Variants in ATXN7L1 observed in about 807,000 individuals in gnomAD.
The protein encoded by ATXN7L1 is ataxin 7 like 1.
ATXN7L1 carries 15 observed loss-of-function variants against 70.8 expected under a neutral mutation model. That is an observed-to-expected ratio of 0.21 (90% CI 0.14 to 0.33). The LOEUF (loss-of-function observed/expected upper bound fraction) is 0.33. ATXN7L1 is among the 10% of genes least tolerant of loss of function. The pLI is 1.00. For synonymous variants in ATXN7L1, 440 were observed against 445.1 expected (o/e 0.99, Z 0.14); for missense variants, 975 against 1,097.1 (o/e 0.89, Z 1.57).
At chr7:105,814,437 G>A (rs981126158) in intron 2 of ATXN7L1, among the ~76,000 whole-genome samples, 1 of 149,598 alleles carries the variant, frequency 6.7e-6, no homozygotes, top group Non-Finnish European at 1.5e-5. Context: ...TTCCAGCAGG[G>A]TTTTTTTTTT....
At chr7:105,690,779 G>A (rs1790687302) in intron 3 of ATXN7L1, among the ~76,000 whole-genome samples, 1 of 152,128 alleles carries the variant, frequency 6.6e-6, no homozygotes, top group Non-Finnish European at 1.5e-5. Flanking sequence ...TAATTACACA[G>A]CCATTCAGTG....
intron 3 of ATXN7L1, among the ~76,000 whole-genome samples, chr7:105,684,039 C>T (rs1302358442): frequency 6.6e-6 from 1 of 152,224 alleles, no homozygotes; most frequent in Admixed American, 6.5e-5. Context: ...CATAGCTTCA[C>T]TGCAGGCTCC....
chr7:105,663,736 G>A (rs1802069749), intron 4 of ATXN7L1, among the ~76,000 whole-genome samples: 1 of 151,800 alleles, frequency 6.6e-6, no homozygotes, highest in Non-Finnish European at 1.5e-5. Context: ...TAAGGGCTGA[G>A]ATAACAAAAT....
chr7:105,865,826 A>G (rs1050467360), intron 2 of ATXN7L1, among the ~76,000 whole-genome samples: 6 of 152,172 alleles, frequency 3.9e-5, no homozygotes, highest in Non-Finnish European at 5.9e-5. Context: ...ACTCTGTATC[A>G]TGGCAACACT....
intron 11 of ATXN7L1, among the ~76,000 whole-genome samples, chr7:105,610,091 C>A (rs1212635389): frequency 2.0e-5 from 3 of 152,144 alleles, no homozygotes; most frequent in Non-Finnish European, 4.4e-5. Context: ...TTAATCAAAT[C>A]ATCTTCTTTA....
chr7:105,841,633 G>C (rs901146447), intron 2 of ATXN7L1, among the ~76,000 whole-genome samples: 1 of 152,182 alleles, frequency 6.6e-6, no homozygotes, highest in Admixed American at 6.5e-5. Context: ...TGGCATCTCG[G>C]TGCTTGCATT....
At chr7:105,872,078 C>T (rs370463780) in intron 2 of ATXN7L1, among the ~76,000 whole-genome samples, 2 of 152,008 alleles carry the variant, frequency 1.3e-5, no homozygotes, top group South Asian at 2.1e-4. Context: ...CTGCAAGCTC[C>T]GCCTCCCGGG....
chr7:105,861,954 C>T (rs886987194), intron 2 of ATXN7L1, among the ~76,000 whole-genome samples: 3 of 152,202 alleles, frequency 2.0e-5, no homozygotes, highest in Admixed American at 1.3e-4. Flanking sequence ...GTCTCAGCCA[C>T]TGAAAGTGGC....
intron 4 of ATXN7L1, chr7:105,649,398 G>A (rs1584510030): frequency 1.0e-6 from 1 of 987,606 alleles, no homozygotes; most frequent in South Asian, 4.7e-5. Flanking sequence ...ACGTGGGGGC[G>A]ATATCTACCT....
chr7:105,649,040 C>T (rs502600), intron 4 of ATXN7L1, among the ~76,000 whole-genome samples: 6,654 of 151,010 alleles, frequency 0.044, 273 homozygotes, highest in East Asian at 0.22. Flanking sequence ...CAGTTACCCC[C>T]GAGCTTAGCC....
At chr7:105,814,172 G>A (rs2116547556) in intron 2 of ATXN7L1, among the ~76,000 whole-genome samples, 1 of 152,264 alleles carries the variant, frequency 6.6e-6, no homozygotes, top group Admixed American at 6.5e-5. Context: ...TCTCTACCTG[G>A]GGACCATCCA....
intron 2 of ATXN7L1, among the ~76,000 whole-genome samples, chr7:105,838,507 T>C (rs1812738868): frequency 6.6e-6 from 1 of 152,182 alleles, no homozygotes; most frequent in Non-Finnish European, 1.5e-5. Context: ...CCCTAGGGAT[T>C]TCAGCCTTTT....
chr7:105,667,027 C>T (rs1051588702), intron 3 of ATXN7L1, among the ~76,000 whole-genome samples: 7 of 152,234 alleles, frequency 4.6e-5, no homozygotes, highest in African/African-American at 1.7e-4. Context: ...TACACCTGTT[C>T]CTTCCCTTCT....
intron 2 of ATXN7L1, among the ~76,000 whole-genome samples, chr7:105,840,007 G>A (rs1812964389): frequency 6.6e-6 from 1 of 152,212 alleles, no homozygotes; most frequent in Admixed American, 6.5e-5. Context: ...TCATGGATGA[G>A]TAGGAAGTTG....
At chr7:105,685,747 T>C (rs1806114911) in intron 3 of ATXN7L1, among the ~76,000 whole-genome samples, 2 of 152,198 alleles carry the variant, frequency 1.3e-5, no homozygotes, top group Admixed American at 1.3e-4. Flanking sequence ...AGTCAATCCC[T>C]GAGCTTCCAT....
intron 2 of ATXN7L1, among the ~76,000 whole-genome samples, chr7:105,841,139 C>G (rs1195800789): frequency 6.6e-6 from 1 of 152,182 alleles, no homozygotes; most frequent in African/African-American, 2.4e-5. Flanking sequence ...AGACAGTTTC[C>G]CGGTGTCTAA....
rs1384037874 is a variant in ATXN7L1, at chr7:105,614,525, G to A, written c.1809C>T (p.Ala603=). Residue 603 remains alanine, a synonymous_variant, in exon 10 of 12, where the codon GCC becomes GCT. Transcript: ENST00000419735. The surrounding 1 kb of genome is among the most constrained non-coding windows in gnomAD (Gnocchi z 4.3). ...IMDSTFKAPS[A]VSPIPAVIPS... is the part of the protein sequence containing the mutation. ...GGATGACGGCTGGTATCGGGGACAC[G>A]GCGGATGGGGCCTTGAAGGTTGAGT... 52 of 1,535,408 alleles carry A rather than the reference G, an allele frequency of 3.4e-5. No individual in the cohort carries two copies. The highest frequency in any genetic ancestry group is 2.0e-4 in the Admixed American group (10 of 50,114).
intron 3 of ATXN7L1, among the ~76,000 whole-genome samples, chr7:105,755,359 G>T (rs1799683820): frequency 6.6e-6 from 1 of 152,172 alleles, no homozygotes; most frequent in Admixed American, 6.5e-5. Context: ...AGCAGGGATG[G>T]GTTCCCTTAA....
At chr7:105,789,797 C>T (rs1451032254) in intron 2 of ATXN7L1, among the ~76,000 whole-genome samples, 2 of 152,042 alleles carry the variant, frequency 1.3e-5, no homozygotes, top group Non-Finnish European at 2.9e-5. Flanking sequence ...GTGACGGGAT[C>T]AGGTGCATAC....
Sources: allele counts gnomAD v4.1 joint callset (sites outside exome capture counted in the v4.1 genomes callset), GRCh38; gene constraint gnomAD v4.1.1; non-coding constraint Gnocchi (gnomAD v3.1); transcripts MANE v1.5; gene names NCBI Gene and HGNC (gene_info 2026-07-23, HGNC 2026-07-21).